SLFN12L: variants seen among roughly 807,000 people sequenced by gnomAD.
SLFN12L encodes schlafen family member 12 like.
In SLFN12L, 34 loss-of-function variants were observed where a neutral mutation model predicts 34.8. The ratio of observed to expected loss-of-function variants is 0.98; its 90% CI spans 0.74 to 1.30. The LOEUF (loss-of-function observed/expected upper bound fraction) is 1.30, where lower values mean the gene tolerates loss of function less well. SLFN12L is among the 50% of genes most tolerant of loss of function. The probability of loss-of-function intolerance (pLI) is 0.00; values close to 1 mark genes in which losing one functional copy is unlikely to be tolerated. For missense variants in SLFN12L, 703 were observed against 696.2 expected (o/e 1.01, Z -0.11); for synonymous variants, 259 against 247.5 (o/e 1.05, Z -0.44).
At chr17:35,527,072 C>T (rs541662109) in intron 1 of SLFN12L, among the ~76,000 whole-genome samples, 3 of 152,228 alleles carry the variant, frequency 2.0e-5, no homozygotes, top group South Asian at 4.1e-4. Flanking sequence ...TCAGAGAATA[C>T]TGTAAACACC....
chr17:35,464,615 C>T lies in SLFN12L; in HGVS notation c.*10308G>A, dbSNP rs1913692725. 1 of 152,136 alleles carries T rather than the reference C, an allele frequency of 6.6e-6. No homozygotes were observed. The highest frequency in any genetic ancestry group is 1.5e-5 in the Non-Finnish European group (1 of 68,028). The allele number at this position is 152,136 out of a possible 1,614,324, so 9.4% of individuals were successfully genotyped here. ...GACATGATCTTGTTCTTTTTTATGG[C>T]TGTGTAGTAGCCCATGGTGTATATG... is the stretch of plus-strand genomic sequence containing the variant. On this transcript the variant is annotated 3_prime_UTR_variant, in exon 5 of 5. Coordinates refer to ENST00000628453, the MANE Select transcript of SLFN12L (RefSeq NM_001363830.2).
chr17:35,508,120 TGTTCTGTTCC>T (rs1189211648), intron 2 of SLFN12L, among the ~76,000 whole-genome samples: 5 of 152,360 alleles, frequency 3.3e-5, no homozygotes, highest in Admixed American at 6.5e-5. Flanking sequence ...ATCCCTGTCC[TGTTCTGTTCC>T]GTTCTGATTA....
chr17:35,497,296 C>A (rs927894667), intron 2 of SLFN12L, among the ~76,000 whole-genome samples: 1 of 152,122 alleles, frequency 6.6e-6, no homozygotes, highest in Non-Finnish European at 1.5e-5. Context: ...GAGGCTGAGG[C>A]AGGAGAATCG....
chr17:35,502,165 T>C (rs1470020878), intron 2 of SLFN12L, among the ~76,000 whole-genome samples: 2 of 152,090 alleles, frequency 1.3e-5, no homozygotes, highest in Admixed American at 6.5e-5. Context: ...TTAAAACCTA[T>C]AATTGATAAT....
rs1458514325 is a variant in SLFN12L at position 35,487,336 on chromosome 17, C to G, written c.87-7141G>C. ...TCCTCCATTGCTAAGTCTACAACAG[C>G]CTGCGGTTTTGACAGACATTGCTAC... On this transcript the variant is annotated intron_variant, in intron 2 of 4. Coordinates refer to ENST00000628453, the MANE Select transcript of SLFN12L (RefSeq NM_001363830.2). Among the ~76,000 whole-genome samples, 7 of 152,384 alleles carry G rather than the reference C, an allele frequency of 4.6e-5. No individual in the cohort carries two copies. The South Asian group carries it at 1.4e-3, about 32-fold the overall frequency.
rs754147217 is a variant in SLFN12L, at chr17:35,479,265, C to G, written c.1017G>C (p.Arg339Ser). ...CKFLGVYDKG[R>S]LCGYVYALRV... ...TGAGTGCATACACATATCCACAAAGCCTTCCTTTATCATATACTCCAAGGA... is the reference window on the plus strand; with the variant it reads ...TGAGTGCATACACATATCCACAAAGGCTTCCTTTATCATATACTCCAAGGA... The change falls in exon 3 of 5, where the codon AGG (arginine) becomes AGC (serine). Residue 339 changes from arginine to serine, a missense_variant. Physicochemically the swap from Arg to Ser is moderately radical, Grantham distance 110. Transcript: ENST00000628453. 2 of 1,592,264 alleles carry G rather than the reference C, an allele frequency of 1.3e-6. No homozygotes were observed. The highest frequency in any genetic ancestry group is 2.3e-5 in the East Asian group (1 of 43,680).
intron 2 of SLFN12L, chr17:35,487,873 G>T (rs1567657091): frequency 2.1e-6 from 2 of 947,414 alleles, no homozygotes; most frequent in Non-Finnish European, 3.3e-6. Flanking sequence ...TGGTGGCACC[G>T]CACGCGCTGT....
intron 2 of SLFN12L, chr17:35,487,969 G>T: frequency 1.5e-6 from 1 of 680,634 alleles, no homozygotes; most frequent in South Asian, 1.5e-5. Context: ...AGCACTTTGG[G>T]AGGCTGAGGA....
At chr17:35,482,278 A>C (rs1005934639) in intron 2 of SLFN12L, among the ~76,000 whole-genome samples, 2 of 152,236 alleles carry the variant, frequency 1.3e-5, no homozygotes, top group Non-Finnish European at 2.9e-5. Context: ...TTGGGAGGTG[A>C]TTAGGTTAAA....
chr17:35,480,429 A>G, intron 2 of SLFN12L: 1 of 402,188 alleles, frequency 2.5e-6, no homozygotes. Context: ...TAATAATTTT[A>G]ATCTTGTCTT....
chr17:35,498,177 G>T (rs1597855874), intron 2 of SLFN12L: 2 of 673,144 alleles, frequency 3.0e-6, no homozygotes, highest in East Asian at 2.7e-5. Context: ...TCCGGGAGGC[G>T]GCGGCGTGGG....
At chr17:35,501,365 C>T (rs1915290214) in intron 2 of SLFN12L, among the ~76,000 whole-genome samples, 1 of 152,254 alleles carries the variant, frequency 6.6e-6, no homozygotes, top group Admixed American at 6.5e-5. Flanking sequence ...ACCTTGCCCA[C>T]TCCATTTTAG....
chr17:35,481,941 A>G (rs1419502164), intron 2 of SLFN12L, among the ~76,000 whole-genome samples: 1 of 151,730 alleles, frequency 6.6e-6, no homozygotes, highest in East Asian at 1.9e-4. Context: ...GGTCACTGCA[A>G]CCTCCACCTC....
Position 35,467,941 on chromosome 17 carries a change from A to C in SLFN12L, c.*6982T>G, listed in dbSNP as rs1913741168. On this transcript the variant is annotated 3_prime_UTR_variant, in exon 5 of 5. Coordinates refer to ENST00000628453, the MANE Select transcript of SLFN12L (RefSeq NM_001363830.2). ...TTGTTTTGGTCTGAGACAAGGTCTC[A>C]CTCTGTTACCCAGGCTGGAGTGCAG... Among the ~76,000 whole-genome samples the C allele has an allele frequency of 6.6e-6, 1 of 152,010 alleles. No individual in the cohort carries two copies. Among genetic ancestry groups the C allele is most frequent in the South Asian group, 2.1e-4 (1 of 4,816 alleles).
intron 4 of SLFN12L, among the ~76,000 whole-genome samples, chr17:35,475,777 G>C (rs1026190572): frequency 6.6e-6 from 1 of 152,008 alleles, no homozygotes; most frequent in East Asian, 1.9e-4. Context: ...GTGCATGCTG[G>C]TAGTCCCAGC....
rs1437029827 is a variant in SLFN12L at position 35,530,354 on chromosome 17, AG to A, written c.-606+7218del. 1.6e-3 allele frequency among the ~76,000 whole-genome samples: 200 copies of A among 126,908 alleles called. 1 individual carries two copies. The highest frequency in any genetic ancestry group is 5.3e-3 in the African/African-American group (187 of 35,006). 83.3% of individuals were successfully genotyped at this position (126,908 alleles called of 152,430 possible). ...GAGTGAGACTCTGTCAGAAAAAAAA[AG>A]AGAAAGAAAGGAAGGAAGGAAGGAA... is the stretch of plus-strand genomic sequence containing the variant. On this transcript the variant is annotated intron_variant, in intron 1 of 4. Coordinates refer to ENST00000628453, the MANE Select transcript of SLFN12L (RefSeq NM_001363830.2).
rs1009540953 is a variant in SLFN12L, at chr17:35,468,045, G to A, written c.*6878C>T. On this transcript the variant is annotated 3_prime_UTR_variant, in exon 5 of 5. Coordinates refer to ENST00000628453, the MANE Select transcript of SLFN12L (RefSeq NM_001363830.2). ...TCACCTCAGCCTCCTGAGAAGCTGCGACCACAGGCACACACTACCACGCCC... is the reference window on the plus strand; with the variant it reads ...TCACCTCAGCCTCCTGAGAAGCTGCAACCACAGGCACACACTACCACGCCC... 5.3e-5 allele frequency among the ~76,000 whole-genome samples: 8 copies of A among 152,022 alleles called. No individual in the cohort carries two copies. The South Asian group carries it at 6.2e-4, about 12-fold the overall frequency.
chr17:35,512,953 AG>A (rs1211955053), intron 2 of SLFN12L, among the ~76,000 whole-genome samples: 1 of 151,182 alleles, frequency 6.6e-6, no homozygotes, highest in African/African-American at 2.4e-5. Flanking sequence ...GTTCTTTCCC[AG>A]CTGAGCTGTT....
chr17:35,464,570 C>T lies in SLFN12L; in HGVS notation c.*10353G>A, dbSNP rs1368651182. ...TTGCTAAGGGTAATGGCCTCCAGTT[C>T]CATCCATGTTCCTGCAAAAGACATG... On this transcript the variant is annotated 3_prime_UTR_variant, in exon 5 of 5. Coordinates refer to ENST00000628453, the MANE Select transcript of SLFN12L (RefSeq NM_001363830.2). 1 of 152,118 alleles carries T rather than the reference C, an allele frequency of 6.6e-6. No homozygotes were observed. Among genetic ancestry groups the T allele is most frequent in the Non-Finnish European group, 1.5e-5 (1 of 68,034 alleles). The allele number at this position is 152,118 out of a possible 1,614,324, so 9.4% of individuals were successfully genotyped here.
Sources: gnomAD v4.1 joint callset for allele counts (sites outside exome capture counted in the v4.1 genomes callset) on GRCh38, gnomAD v4.1.1 for gene constraint, MANE v1.5 for transcripts, NCBI Gene and HGNC (gene_info 2026-07-23, HGNC 2026-07-21) for gene names.